Variants in SNX14 observed in about 807,000 individuals in gnomAD.
The protein encoded by SNX14 is sorting nexin-14.
A neutral mutation model predicts 133.8 loss-of-function variants in SNX14; 93 were observed. The ratio of observed to expected loss-of-function variants is 0.70; its 90% CI spans 0.59 to 0.83. The LOEUF is 0.83. Among genes scored for constraint, SNX14 ranks in the 40% least tolerant of loss-of-function variants. The pLI, the probability that SNX14 is intolerant of heterozygous loss-of-function variation, is 0.00. For missense variants in SNX14, 945 were observed against 1,094.9 expected (o/e 0.86, Z 1.93); for synonymous variants, 368 against 365.6 (o/e 1.01, Z -0.07).
intron 6 of SNX14, among the ~76,000 whole-genome samples, chr6:85,559,687 T>C (rs1048067828): frequency 1.3e-5 from 2 of 152,178 alleles, no homozygotes; most frequent in Admixed American, 1.3e-4. Flanking sequence ...TCTTCCAGGA[T>C]AGTGACGCAG....
chr6:85,525,048 T>C (rs1305459219), intron 21 of SNX14, among the ~76,000 whole-genome samples: 1 of 152,164 alleles, frequency 6.6e-6, no homozygotes, highest in Non-Finnish European at 1.5e-5. Flanking sequence ...AGACAAACTA[T>C]AATAAATAAT....
At chr6:85,582,467 T>G in intron 1 of SNX14, among the ~76,000 whole-genome samples, 1 of 150,272 alleles carries the variant, frequency 6.7e-6, no homozygotes, top group Non-Finnish European at 1.5e-5. Context: ...AAAAAAAACC[T>G]TCAAAAAAGC....
rs552574025 is a variant in SNX14, at chr6:85,540,063, G to A, written c.1449-1199C>T. 7.9e-5 allele frequency among the ~76,000 whole-genome samples: 12 copies of A among 152,072 alleles called. No individual in the cohort carries two copies. In the East Asian group the frequency reaches 2.1e-3, roughly 27 times the overall value. ...TGTAACCTCTGCCTCCTGGGTTTAAGTGATTCTCCTGCCTCAGTCTCCCAA... is the reference window on the plus strand; with the variant it reads ...TGTAACCTCTGCCTCCTGGGTTTAAATGATTCTCCTGCCTCAGTCTCCCAA... On this transcript the variant is annotated intron_variant, in intron 15 of 28. Transcript: ENST00000314673.
intron 9 of SNX14, 101 bp from the exon 10 acceptor site, chr6:85,547,651 G>T: frequency 9.3e-7 from 1 of 1,071,490 alleles, no homozygotes; most frequent in South Asian, 1.9e-5. Context: ...CTAGAAAAAT[G>T]AAAAAATAAA....
At chr6:85,582,071 T>C (rs1162184776) in intron 1 of SNX14, among the ~76,000 whole-genome samples, 1 of 151,976 alleles carries the variant, frequency 6.6e-6, no homozygotes, top group Admixed American at 6.6e-5. Flanking sequence ...AGGTCAAGGA[T>C]ACCAAGAAAG....
At chr6:85,547,669 G>C (rs976111496) in intron 9 of SNX14, 119 bp from the exon 10 acceptor site, 4 of 862,930 alleles carry the variant, frequency 4.6e-6, no homozygotes, top group Admixed American at 3.5e-5. Flanking sequence ...AAATGGAGCA[G>C]TAGCAAAAAA....
chr6:85,531,469 C>T (rs1780282869), intron 18 of SNX14, among the ~76,000 whole-genome samples: 3 of 152,116 alleles, frequency 2.0e-5, no homozygotes, highest in Non-Finnish European at 4.4e-5. Context: ...CACAATCATC[C>T]AAAACAACAC....
rs537643118 is a variant in SNX14 at position 85,563,858 on chromosome 6, G to A, written c.549+1474C>T. Among the ~76,000 whole-genome samples, 98 of 152,028 alleles carry A rather than the reference G, an allele frequency of 6.4e-4. 1 individual carries two copies. Among genetic ancestry groups the A allele is most frequent in the Admixed American group, 1.3e-3 (20 of 15,264 alleles). ...ACATATGTATACATGTGCCATGTTGGTGTGCTGCACCCGTTAACTAGTCAT... is the reference window on the plus strand; with the variant it reads ...ACATATGTATACATGTGCCATGTTGATGTGCTGCACCCGTTAACTAGTCAT... On this transcript the variant is annotated intron_variant, in intron 6 of 28. Transcript: ENST00000314673.
chr6:85,560,244 C>T (rs1010840411), intron 6 of SNX14, among the ~76,000 whole-genome samples: 6 of 152,218 alleles, frequency 3.9e-5, no homozygotes, highest in African/African-American at 1.4e-4. Flanking sequence ...TATCCATCAA[C>T]TGATGAATGG....
chr6:85,588,494 A>G (rs1016139847), intron 1 of SNX14, among the ~76,000 whole-genome samples: 1 of 151,640 alleles, frequency 6.6e-6, no homozygotes, highest in East Asian at 2.0e-4. Flanking sequence ...GGAGAATGGC[A>G]TGAACCCGGG....
intron 16 of SNX14, among the ~76,000 whole-genome samples, chr6:85,537,873 C>T (rs1562266132): frequency 6.6e-6 from 1 of 152,068 alleles, no homozygotes; most frequent in Admixed American, 6.6e-5. Flanking sequence ...CACTTGGACC[C>T]GCAAGATTGC....
rs113707823 is a variant in SNX14 at position 85,510,021 on chromosome 6, T to C, written c.2654-1962A>G. Among the ~76,000 whole-genome samples the C allele has an allele frequency of 3.2e-3, 490 of 152,302 alleles. 7 individuals are homozygous for C. The highest frequency in any genetic ancestry group is 0.011 in the African/African-American group (464 of 41,560). ...AATAATATCCCATTGTCTAGAAGTA[T>C]GAGTTTATTTATCCATTCACCTAAA... is the stretch of plus-strand genomic sequence containing the variant. On this transcript the variant is annotated intron_variant, in intron 26 of 28. Coordinates refer to ENST00000314673, the MANE Select transcript of SNX14 (RefSeq NM_153816.6).
intron 12 of SNX14, among the ~76,000 whole-genome samples, chr6:85,546,788 C>G (rs1785660629): frequency 6.6e-6 from 1 of 151,936 alleles, no homozygotes; most frequent in East Asian, 1.9e-4. Flanking sequence ...CATGGAGAAA[C>G]CCCATCTCTA....
chr6:85,544,355 T>TA (rs1052713900), intron 12 of SNX14, among the ~76,000 whole-genome samples: 230 of 144,536 alleles, frequency 1.6e-3, no homozygotes, highest in African/African-American at 4.3e-3. Flanking sequence ...AAAAGGGAGT[T>TA]AAAAAAAAAA....
At chr6:85,523,383 A>G (rs1777514138) in intron 21 of SNX14, among the ~76,000 whole-genome samples, 1 of 152,194 alleles carries the variant, frequency 6.6e-6, no homozygotes, top group African/African-American at 2.4e-5. Context: ...TTCAAATAAG[A>G]GGCAATGAAA....
intron 14 of SNX14, among the ~76,000 whole-genome samples, chr6:85,542,872 T>A (rs775929005): frequency 6.6e-6 from 1 of 152,186 alleles, no homozygotes; most frequent in Non-Finnish European, 1.5e-5. Context: ...GTTCAAGCTA[T>A]TCTCCTGCCT....
intron 26 of SNX14, among the ~76,000 whole-genome samples, chr6:85,512,517 G>T (rs976291387): frequency 6.6e-6 from 1 of 151,974 alleles, no homozygotes; most frequent in Non-Finnish European, 1.5e-5. Context: ...AGCTACTCGG[G>T]AGGCTGAGAC....
At chr6:85,571,990 T>C (rs1452070115) in intron 4 of SNX14, 147 bp downstream of exon 4, 1 of 609,244 alleles carries the variant, frequency 1.6e-6, no homozygotes, top group Non-Finnish European at 2.9e-6. Flanking sequence ...TCAAGTTGTT[T>C]AGTCTGCAAT....
chr6:85,536,664 A>C (rs780512638), intron 17 of SNX14, 128 bp downstream of exon 17: 6 of 774,046 alleles, frequency 7.8e-6, no homozygotes, highest in Non-Finnish European at 1.2e-5. Flanking sequence ...TGAAGTAAGA[A>C]GATAAAGGTA....
Sources: gnomAD v4.1 joint callset for allele counts (sites outside exome capture counted in the v4.1 genomes callset) on GRCh38, gnomAD v4.1.1 for gene constraint, MANE v1.5 for transcripts, NCBI Gene and HGNC (gene_info 2026-07-23, HGNC 2026-07-21) for gene names.